The following RHOJ variants were observed in gnomAD, a reference collection of about 807,000 sequenced individuals.
The protein encoded by RHOJ is rho-related GTP-binding protein RhoJ.
Under a neutral mutation model 23.4 loss-of-function variants are expected in RHOJ, and 11 were observed. The ratio of observed to expected loss-of-function variants is 0.47; its 90% CI spans 0.30 to 0.78. The LOEUF is 0.78. Among genes scored for constraint, RHOJ ranks in the 30% least tolerant of loss-of-function variants. RHOJ has a pLI of 0.08. For synonymous variants in RHOJ, 102 were observed against 102.7 expected, an observed-to-expected ratio of 0.99 and a Z score of 0.04; for missense variants, 254 against 273.4, an observed-to-expected ratio of 0.93 and a Z score of 0.50.
Position 63,242,422 on chromosome 14 carries a change from A to G in RHOJ, c.179-26688A>G, listed in dbSNP as rs569218375. Among the ~76,000 whole-genome samples the G allele has an allele frequency of 1.7e-3, 265 of 152,326 alleles. 1 individual carries two copies. Among genetic ancestry groups the G allele is most frequent in the African/African-American group, 5.9e-3 (247 of 41,572 alleles). On this transcript the variant is annotated intron_variant, in intron 1 of 4. Coordinates refer to ENST00000316754, the MANE Select transcript of RHOJ (RefSeq NM_020663.5). Reference sequence around the variant, plus strand: ...TCTCTATTTTTAAAATTTAAAAATTAGCCAGACGTGGTGGTACATGACTGT... The same window carrying G: ...TCTCTATTTTTAAAATTTAAAAATTGGCCAGACGTGGTGGTACATGACTGT...
chr14:63,278,320 C>T (rs1881797495), intron 2 of RHOJ, among the ~76,000 whole-genome samples: 1 of 152,194 alleles, frequency 6.6e-6, no homozygotes, highest in Non-Finnish European at 1.5e-5. Flanking sequence ...TAGATCAATG[C>T]ATGCCCACCA....
At chr14:63,281,239 C>A in intron 3 of RHOJ, 104 bp downstream of exon 3, 1 of 1,109,526 alleles carries the variant, frequency 9.0e-7, no homozygotes, top group Non-Finnish European at 1.3e-6. Flanking sequence ...GGAAGTGTGT[C>A]TCAGACATGT....
At chr14:63,250,615 C>A (rs926459215) in intron 1 of RHOJ, among the ~76,000 whole-genome samples, 1 of 152,120 alleles carries the variant, frequency 6.6e-6, no homozygotes, top group Non-Finnish European at 1.5e-5. Context: ...CACACACACA[C>A]AAATACACCA....
At chr14:63,232,759 C>T (rs1894719216) in intron 1 of RHOJ, among the ~76,000 whole-genome samples, 2 of 145,344 alleles carry the variant, frequency 1.4e-5, no homozygotes, top group East Asian at 2.0e-4. Flanking sequence ...TGCAGTGGCG[C>T]GATCTCAGCT....
rs116096990 is a variant in RHOJ, at chr14:63,254,201, C to A, written c.179-14909C>A. 3.0e-3 allele frequency among the ~76,000 whole-genome samples: 454 copies of A among 152,224 alleles called. 3 individuals carry two copies. The highest frequency in any genetic ancestry group is 0.01 in the African/African-American group (429 of 41,538). On this transcript the variant is annotated intron_variant, in intron 1 of 4. Coordinates refer to ENST00000316754, the MANE Select transcript of RHOJ (RefSeq NM_020663.5). ...CATCACTGTCTATCTTGGAGTGAGCCCAAGCCATGGGCTCAATAGCCTTCC... is the reference window on the plus strand; with the variant it reads ...CATCACTGTCTATCTTGGAGTGAGCACAAGCCATGGGCTCAATAGCCTTCC...
intron 4 of RHOJ, among the ~76,000 whole-genome samples, chr14:63,284,022 A>G (rs985348650): frequency 6.6e-6 from 1 of 152,214 alleles, no homozygotes; most frequent in African/African-American, 2.4e-5. Context: ...TCATCAAGTC[A>G]TAAATCTATT....
At chr14:63,238,671 C>T (rs1019161215) in intron 1 of RHOJ, among the ~76,000 whole-genome samples, 6 of 152,132 alleles carry the variant, frequency 3.9e-5, no homozygotes, top group African/African-American at 1.4e-4. Context: ...ATCTGCCCAC[C>T]TCGGCCTCCC....
At chr14:63,281,700 G>A (rs1254419827) in intron 3 of RHOJ, among the ~76,000 whole-genome samples, 1 of 152,170 alleles carries the variant, frequency 6.6e-6, no homozygotes, top group Non-Finnish European at 1.5e-5. Flanking sequence ...ACCTACGACT[G>A]TGAAAGCCTT....
At chr14:63,236,939 G>T (rs1894800577) in intron 1 of RHOJ, among the ~76,000 whole-genome samples, 1 of 152,010 alleles carries the variant, frequency 6.6e-6, no homozygotes, top group Non-Finnish European at 1.5e-5. Flanking sequence ...TCATCTCTAG[G>T]TTACTTATAC....
intron 1 of RHOJ, among the ~76,000 whole-genome samples, chr14:63,227,025 C>T (rs1359378448): frequency 6.6e-6 from 1 of 152,068 alleles, no homozygotes; most frequent in Non-Finnish European, 1.5e-5. Context: ...AATCTCGGCT[C>T]GCTGCAACCT....
rs539626269 is a variant in RHOJ, at chr14:63,283,231, G to T, written c.498+15G>T. ...TCGCAAAAGCGGTACAGTCAGATTT[G>T]AATTTCATTTTAAATGTATGCTGAG... On this transcript the variant is annotated intron_variant, in intron 4 of 4. Transcript: ENST00000316754. The T allele has an allele frequency of 6.9e-6, 11 of 1,592,358 alleles. No individual in the cohort carries two copies. In the African/African-American group the frequency reaches 1.3e-4, roughly 19 times the overall value.
At chr14:63,222,159 C>A (rs371661933) in intron 1 of RHOJ, among the ~76,000 whole-genome samples, 13,390 of 151,636 alleles carry the variant, frequency 0.088, 684 homozygotes, top group East Asian at 0.11. Flanking sequence ...TGAACTCATC[C>A]TTATTTATGG....
intron 1 of RHOJ, among the ~76,000 whole-genome samples, chr14:63,243,129 A>C (rs1402711385): frequency 6.6e-6 from 1 of 152,246 alleles, no homozygotes; most frequent in African/African-American, 2.4e-5. Flanking sequence ...GAAAAAAGTG[A>C]TAAAATATAC....
rs754645428 is a variant in RHOJ, at chr14:63,290,965, C to T, written c.586C>T (p.His196Tyr). The T allele has an allele frequency of 6.2e-7, 1 of 1,614,122 alleles. No individual in the cohort carries two copies. The highest frequency in any genetic ancestry group is 1.1e-5 in the South Asian group (1 of 91,082). ...TGATGAAGCAATCCTCACCATTTTC[C>T]ACCCCAAGAAAAAGAAGAAACGCTG... is the stretch of plus-strand genomic sequence containing the variant. ...VFDEAILTIF[H>Y]PKKKKKRCSE... The change falls in exon 5 of 5, where the codon CAC becomes TAC. Residue 196 changes from histidine to tyrosine, a missense_variant. His to Tyr is a moderately conservative substitution (Grantham distance 83, BLOSUM62 2). Coordinates refer to ENST00000316754, the MANE Select transcript of RHOJ (RefSeq NM_020663.5).
chr14:63,266,563 C>G (rs934361490), intron 1 of RHOJ, among the ~76,000 whole-genome samples: 38 of 152,182 alleles, frequency 2.5e-4, no homozygotes, highest in African/African-American at 8.9e-4. Context: ...AATCCATGAG[C>G]ATGGAATGTT....
intron 1 of RHOJ, among the ~76,000 whole-genome samples, chr14:63,227,110 C>T (rs964446472): frequency 2.0e-5 from 3 of 152,106 alleles, no homozygotes; most frequent in African/African-American, 7.2e-5. Context: ...TGCCACCATG[C>T]CCAGCTGATT....
At chr14:63,227,765 T>C (rs1221104136) in intron 1 of RHOJ, among the ~76,000 whole-genome samples, 1 of 152,224 alleles carries the variant, frequency 6.6e-6, no homozygotes, top group Non-Finnish European at 1.5e-5. Flanking sequence ...CTGACAATGA[T>C]TCTAGCTTAA....
chr14:63,261,598 ATTTT>A (rs113442479), intron 1 of RHOJ, among the ~76,000 whole-genome samples: 1 of 137,890 alleles, frequency 7.3e-6, no homozygotes, highest in Non-Finnish European at 1.6e-5. Context: ...TGCCCAGCTA[ATTTT>A]TTTTTTTTTT....
At chr14:63,276,925 T>C (rs1881738285) in intron 2 of RHOJ, among the ~76,000 whole-genome samples, 1 of 152,240 alleles carries the variant, frequency 6.6e-6, no homozygotes, top group African/African-American at 2.4e-5. Context: ...TTTGAAGTTT[T>C]AAATATACAG....
Sources: gnomAD v4.1 joint callset for allele counts (sites outside exome capture counted in the v4.1 genomes callset) on GRCh38, gnomAD v4.1.1 for gene constraint, MANE v1.5 for transcripts, NCBI Gene and HGNC (gene_info 2026-07-23, HGNC 2026-07-21) for gene names.